APC2: variants seen among roughly 807,000 people sequenced by gnomAD.
The protein encoded by APC2 is adenomatous polyposis coli protein 2.
A neutral mutation model predicts 72.5 loss-of-function variants in APC2; 41 were observed. That is an observed-to-expected ratio of 0.57 (90% CI 0.44 to 0.73). APC2 has a LOEUF of 0.73. Among genes scored for constraint, APC2 ranks in the 30% least tolerant of loss-of-function variants. APC2 has a pLI of 0.00. For synonymous variants in APC2, 1,898 were observed against 1,612.0 expected, an observed-to-expected ratio of 1.18 and a Z score of -4.25; for missense variants, 3,729 against 3,403.4, an observed-to-expected ratio of 1.10 and a Z score of -2.38.
upstream of APC2, among the ~76,000 whole-genome samples, chr19:1,447,177 G>T (rs1433945855): frequency 6.6e-6 from 1 of 152,202 alleles, no homozygotes; most frequent in Non-Finnish European, 1.5e-5. Context: ...GCTCTGCCCG[G>T]CCACCCAGCC....
In APC2 at chr19:1,453,096, A is replaced by C. The variant is rs2083764226; in HGVS notation, c.95A>C (p.Asn32Thr). The C allele has an allele frequency of 1.2e-6, 2 of 1,608,092 alleles. No homozygotes were observed. The highest frequency in any genetic ancestry group is 1.7e-6 in the Non-Finnish European group (2 of 1,178,226). Reference protein sequence around the residue: ...NSHLRQELRDNSSHLSKLETE... With the variant: ...NSHLRQELRDTSSHLSKLETE... The stretch of plus-strand genomic sequence containing the variant: ...CACCTGAGGCAGGAGCTAAGGGACA[A>C]CTCCAGCCACCTGTCCAAGCTGGAG... The change falls in exon 2 of 15, where the codon AAC becomes ACC. Residue 32 changes from asparagine to threonine, a missense_variant. Physicochemically the swap from Asn to Thr is moderately conservative, Grantham distance 65. Coordinates refer to ENST00000590469, the MANE Select transcript of APC2 (RefSeq NM_005883.3).
chr19:1,461,161 C>T lies in APC2; in HGVS notation c.1638+8C>T, dbSNP rs775132258. The T allele has an allele frequency of 1.9e-6, 3 of 1,605,988 alleles. No homozygotes were observed. The highest frequency in any genetic ancestry group is 1.7e-6 in the Non-Finnish European group (2 of 1,178,148). On this transcript the variant is annotated splice_region_variant and intron_variant, in intron 13 of 14. Transcript: ENST00000590469. The stretch of plus-strand genomic sequence containing the variant: ...GTCCTGCGGGCCACCAAGGTGGGCA[C>T]CCGGTGGGCGGCAGGGATGCTTCTT...
chr19:1,460,847 A>G lies in APC2; in HGVS notation c.1511A>G (p.Glu504Gly), dbSNP rs1406918768. ...IVAQLASDSE[E>G]LHQVVSSILR... ...GCCCAGCTGGCCTCCGACAGTGAGG[A>G]GCTCCACCAGGTACAGGGCGGGGTG... Residue 504 changes from glutamate (E) to glycine (G), a missense_variant, in exon 12 of 15, where the codon GAG (glutamate) becomes GGG (glycine). Glu to Gly is a moderately conservative substitution (Grantham distance 98, BLOSUM62 -2). Transcript: ENST00000590469. 7 of 1,613,014 alleles carry G rather than the reference A, an allele frequency of 4.3e-6. No individual in the cohort carries two copies. The highest frequency in any genetic ancestry group is 5.1e-6 in the Non-Finnish European group (6 of 1,179,936).
At chr19:1,450,821 G>C (rs1432830423) in intron 1 of APC2, among the ~76,000 whole-genome samples, 1 of 152,212 alleles carries the variant, frequency 6.6e-6, no homozygotes, top group East Asian at 1.9e-4. Flanking sequence ...GATGCAACCT[G>C]GGGGTGAAAG....
chr19:1,447,177 GCCA>G (rs1032404859), upstream of APC2, among the ~76,000 whole-genome samples: 3 of 152,202 alleles, frequency 2.0e-5, no homozygotes, highest in African/African-American at 7.2e-5. Context: ...GCTCTGCCCG[GCCA>G]CCCAGCCGGC....
chr19:1,449,555 G>A (rs146253416), upstream of APC2, among the ~76,000 whole-genome samples: 261 of 152,328 alleles, frequency 1.7e-3, 6 homozygotes, highest in East Asian at 0.037. Context: ...AGTTACAGGA[G>A]GATCTGACGC....
chr19:1,467,758 G>T lies in APC2; in HGVS notation c.4457G>T (p.Arg1486Leu). Residue 1486 changes from arginine to leucine, a missense_variant, in exon 15 of 15, where the codon CGG (arginine) becomes CTG (leucine). Physicochemically the swap from Arg to Leu is moderately radical, Grantham distance 102. Transcript: ENST00000590469. ...GACAAGGACGGCTCAAAGCCCGGCCGGACCCGCGGGGACGGGGCGCTCCAG... is the reference window on the plus strand; with the variant it reads ...GACAAGGACGGCTCAAAGCCCGGCCTGACCCGCGGGGACGGGGCGCTCCAG... ...PADKDGSKPG[R>L]TRGDGALQSL... The T allele has an allele frequency of 1.4e-6, 2 of 1,430,136 alleles. No homozygotes were observed. The highest frequency in any genetic ancestry group is 1.8e-6 in the Non-Finnish European group (2 of 1,098,062). 88.6% of individuals were successfully genotyped at this position (1,430,136 alleles called of 1,614,324 possible).
chr19:1,448,850 AAAAAAAAG>A (rs1181147907), upstream of APC2, among the ~76,000 whole-genome samples: 13 of 150,782 alleles, frequency 8.6e-5, no homozygotes, highest in African/African-American at 2.0e-4. Flanking sequence ...TCTCAAAAAA[AAAAAAAAG>A]AAAAAAAAGA....
In APC2 at chr19:1,461,202, G is replaced by A. The variant is rs201222577; in HGVS notation, c.1638+49G>A. 1.7e-4 allele frequency: 263 copies of A among 1,506,364 alleles called. 2 individuals are homozygous for A. In the African/African-American group the frequency reaches 3.4e-3, roughly 19 times the overall value. 93.3% of individuals were successfully genotyped at this position (1,506,364 alleles called of 1,614,324 possible). On this transcript the variant is annotated intron_variant, in intron 13 of 14. Coordinates refer to ENST00000590469, the MANE Select transcript of APC2 (RefSeq NM_005883.3). ...GATGCTTCTTCAGTCACTGGAAGGA[G>A]ACTGCTGGCGGCAGCGGGCGAGCTC...
rs2084083390 is a variant in APC2, at chr19:1,469,088, G to A, written c.5787G>A (p.Arg1929=). 5 of 1,495,198 alleles carry A rather than the reference G, an allele frequency of 3.3e-6. No individual in the cohort carries two copies. In the South Asian group the frequency reaches 3.8e-5, roughly 11 times the overall value. The allele number at this position is 1,495,198 out of a possible 1,614,324, so 92.6% of individuals were successfully genotyped here. ...ACAAGACGCAGAGATCGCCCGTGCGGATCCCGTTCATGCAGAGGCCGGCCC... is the reference window on the plus strand; with the variant it reads ...ACAAGACGCAGAGATCGCCCGTGCGAATCCCGTTCATGCAGAGGCCGGCCC... ...KQHKTQRSPV[R]IPFMQRPARR... Residue 1929 remains arginine (R), a synonymous_variant, in exon 15 of 15, where the codon CGG becomes CGA. Transcript: ENST00000590469.
At chr19:1,462,966 G>A (rs1235633945) in intron 14 of APC2, among the ~76,000 whole-genome samples, 4 of 127,920 alleles carry the variant, frequency 3.1e-5, no homozygotes, top group African/African-American at 6.8e-5. Context: ...GCAAGATTCC[G>A]TCTTAAAAAA....
At chr19:1,457,264 GC>G in intron 9 of APC2, 21 bp downstream of exon 9, 2 of 1,496,762 alleles carry the variant, frequency 1.3e-6, no homozygotes, top group Admixed American at 2.3e-5. Context: ...GGCCTGGTGG[GC>G]CCCCTCCGCG....
chr19:1,457,743 G>A, intron 9 of APC2: 1 of 596,528 alleles, frequency 1.7e-6, no homozygotes. Flanking sequence ...TGAAAGGTGT[G>A]GTGCTCCAGG....
intron 6 of APC2, 41 bp downstream of exon 6, chr19:1,455,541 C>T (rs371007058): frequency 7.2e-4 from 1,122 of 1,553,352 alleles, no homozygotes; most frequent in Non-Finnish European, 9.1e-4. Flanking sequence ...AGGCGGGGCC[C>T]TGCGCCAGTG....
chr19:1,453,324 G>C lies in APC2; in HGVS notation c.219G>C (p.Leu73=). ...TGTCCTCGGGGCAGACGGAGGTGCTGGAGCAGCTGAAGGGTGAGCGGTGGG... is the reference window on the plus strand; with the variant it reads ...TGTCCTCGGGGCAGACGGAGGTGCTCGAGCAGCTGAAGGGTGAGCGGTGGG... The part of the protein sequence containing the change: ...VLVSSGQTEV[L]EQLKALQMDI... The change falls in exon 3 of 15, where the codon CTG becomes CTC. Residue 73 remains leucine, a synonymous_variant. Coordinates refer to ENST00000590469, the MANE Select transcript of APC2 (RefSeq NM_005883.3). The C allele has an allele frequency of 6.2e-7, 1 of 1,602,666 alleles. No individual in the cohort carries two copies. The highest frequency in any genetic ancestry group is 8.5e-7 in the Non-Finnish European group (1 of 1,175,100).
In APC2 at chr19:1,468,143, C is replaced by G; in HGVS notation, c.4842C>G (p.Gly1614=). 2 of 1,486,382 alleles carry G rather than the reference C, an allele frequency of 1.3e-6. No homozygotes were observed. Among genetic ancestry groups the G allele is most frequent in the Non-Finnish European group, 1.8e-6 (2 of 1,125,566 alleles). The allele number at this position is 1,486,382 out of a possible 1,614,324, so 92.1% of individuals were successfully genotyped here. ...TCACCAAGGACCCGGGCCCAGGAGGCGGACGCGACAGCTCGCCCAGCCCGC... is the reference window on the plus strand; with the variant it reads ...TCACCAAGGACCCGGGCCCAGGAGGGGGACGCGACAGCTCGCCCAGCCCGC... ...PAVTKDPGPG[G]GRDSSPSPRA... Residue 1614 remains glycine (G), a synonymous_variant, in exon 15 of 15, where the codon GGC becomes GGG. Transcript: ENST00000590469.
At position 1,462,655 on chromosome 19, in the gene APC2, C is replaced by CAAAAAAAAA. The variant is rs34103912; in HGVS notation, c.1853+496_1853+504dup. On this transcript the variant is annotated intron_variant, in intron 14 of 14. Coordinates refer to ENST00000590469, the MANE Select transcript of APC2 (RefSeq NM_005883.3). ...GGGCAACAAGAGCGAAACTTCATCT[C>CAAAAAAAAA]AAAAAAAAAAAAAAAAAAAAAAAAA... Among the ~76,000 whole-genome samples the CAAAAAAAAA allele has an allele frequency of 2.8e-4, 7 of 24,924 alleles. 1 individual carries two copies. Among genetic ancestry groups the CAAAAAAAAA allele is most frequent in the African/African-American group, 8.5e-4 (7 of 8,228 alleles). The allele number at this position is 24,924 out of a possible 152,430, so 16.4% of individuals were successfully genotyped here. A position where few individuals can be genotyped will look rare whatever the true frequency, so the allele number is the denominator to read the frequency against.
rs556845921 is a variant in APC2 at position 1,469,820 on chromosome 19, G to C, written c.6519G>C (p.Thr2173=). ...PATALPLRGS[T]PEDAPAGPPP... is the part of the protein sequence containing the mutation. The stretch of plus-strand genomic sequence containing the variant: ...CGGCCCTGCCACTGCGGGGCTCCAC[G>C]CCCGAGGACGCCCCGGCCGGGCCCC... Residue 2173 remains threonine, a synonymous_variant, in exon 15 of 15, where the codon ACG becomes ACC. Coordinates refer to ENST00000590469, the MANE Select transcript of APC2 (RefSeq NM_005883.3). 1,635 of 1,519,268 alleles carry C rather than the reference G, an allele frequency of 1.1e-3. 15 individuals carry two copies. The African/African-American group carries it at 0.021, about 20-fold the overall frequency. 94.1% of individuals were successfully genotyped at this position (1,519,268 alleles called of 1,614,324 possible). A position where few individuals can be genotyped will look rare whatever the true frequency, so the allele number is the denominator to read the frequency against.
At chr19:1,457,666 CCA>C (rs1303907217) in intron 9 of APC2, 1 of 527,494 alleles carries the variant, frequency 1.9e-6, no homozygotes, top group Non-Finnish European at 3.4e-6. Flanking sequence ...CTACTGCACT[CCA>C]GTCTGGACAA....
Sources: gnomAD v4.1 joint callset for allele counts (sites outside exome capture counted in the v4.1 genomes callset) on GRCh38, gnomAD v4.1.1 for gene constraint, MANE v1.5 for transcripts, NCBI Gene and HGNC (gene_info 2026-07-23, HGNC 2026-07-21) for gene names.